Variants in THSD7A observed in about 807,000 individuals in gnomAD.
The protein encoded by THSD7A is thrombospondin type 1 domain containing 7A.
Under a neutral mutation model 231.3 loss-of-function variants are expected in THSD7A, and 96 were observed. That is an observed-to-expected ratio of 0.41 (90% confidence interval 0.35 to 0.49). THSD7A has a LOEUF of 0.49. THSD7A is among the 20% of genes least tolerant of loss of function. THSD7A has a pLI of 0.05. For synonymous variants in THSD7A, 940 were observed against 743.3 expected (o/e 1.26, Z -4.30); for missense variants, 2,290 against 2,070.2 (o/e 1.11, Z -2.06).
chr7:11,452,510 C>A (rs1785176598), intron 11 of THSD7A, among the ~76,000 whole-genome samples: 1 of 151,920 alleles, frequency 6.6e-6, no homozygotes, highest in Admixed American at 6.6e-5. Flanking sequence ...TACCAATGAT[C>A]CCCAGTCTCA....
intron 1 of THSD7A, among the ~76,000 whole-genome samples, chr7:11,676,924 C>T (rs1468254776): frequency 6.6e-6 from 1 of 152,050 alleles, no homozygotes; most frequent in Non-Finnish European, 1.5e-5. Context: ...GAGAACACCA[C>T]AAAGATACTC....
intron 6 of THSD7A, among the ~76,000 whole-genome samples, chr7:11,505,345 ATTTCCT>A (rs1254792793): frequency 2.6e-5 from 4 of 152,120 alleles, no homozygotes; most frequent in East Asian, 3.9e-4. Context: ...TGAGAGTCTA[ATTTCCT>A]TTTCCTTTTC....
At chr7:11,730,686 C>T (rs1294551175) in intron 1 of THSD7A, among the ~76,000 whole-genome samples, 3 of 151,608 alleles carry the variant, frequency 2.0e-5, no homozygotes, top group Admixed American at 1.3e-4. Context: ...AACTCATGTT[C>T]AGTTCTTTTA....
At chr7:11,801,128 C>G (rs1183257913) in intron 1 of THSD7A, among the ~76,000 whole-genome samples, 3 of 151,752 alleles carry the variant, frequency 2.0e-5, no homozygotes. Context: ...AAGGAGACCC[C>G]ATTTCAAAAA....
intron 1 of THSD7A, among the ~76,000 whole-genome samples, chr7:11,738,636 C>T (rs1349853989): frequency 2.0e-5 from 3 of 151,944 alleles, no homozygotes; most frequent in African/African-American, 4.8e-5. Context: ...AATGTCTCCT[C>T]CCCGCAATCC....
At chr7:11,548,972 T>C (rs930806575) in intron 4 of THSD7A, among the ~76,000 whole-genome samples, 40 of 151,804 alleles carry the variant, frequency 2.6e-4, no homozygotes, top group African/African-American at 9.2e-4. Context: ...ACAGACAACC[T>C]ACACAATAGG....
At chr7:11,608,393 A>G (rs934068463) in intron 2 of THSD7A, among the ~76,000 whole-genome samples, 5 of 152,132 alleles carry the variant, frequency 3.3e-5, no homozygotes, top group African/African-American at 1.2e-4. Context: ...ACTGTTACAT[A>G]CTCCTGTGAA....
chr7:11,464,445 G>C (rs1052733406), intron 9 of THSD7A, among the ~76,000 whole-genome samples: 5 of 152,122 alleles, frequency 3.3e-5, no homozygotes, highest in African/African-American at 1.2e-4. Flanking sequence ...TAACTACCTA[G>C]ATGGCACCTG....
chr7:11,820,186 A>G, intron 1 of THSD7A: 1 of 322,078 alleles, frequency 3.1e-6, no homozygotes. Context: ...CGGTAGTACA[A>G]TCTGCATGGC....
chr7:11,677,471 TAAAG>T (rs1320307271), intron 1 of THSD7A, among the ~76,000 whole-genome samples: 3 of 147,810 alleles, frequency 2.0e-5, no homozygotes, highest in Non-Finnish European at 4.5e-5. Context: ...GCAAATTGGG[TAAAG>T]AGTCAAGACC....
intron 7 of THSD7A, among the ~76,000 whole-genome samples, chr7:11,478,596 GAAAAGGAAAAGC>G (rs577823179): frequency 3.1e-3 from 468 of 152,136 alleles, no homozygotes; most frequent in Middle Eastern, 0.01. Context: ...TGAAAGAAAG[GAAAAGGAAAAGC>G]AAAAGGAAAA....
At chr7:11,736,094 T>C (rs1238427724) in intron 1 of THSD7A, among the ~76,000 whole-genome samples, 1 of 151,874 alleles carries the variant, frequency 6.6e-6, no homozygotes, top group Non-Finnish European at 1.5e-5. Flanking sequence ...CATATTAATA[T>C]CAAGGCAAAG....
chr7:11,704,401 G>C (rs538490628), intron 1 of THSD7A, among the ~76,000 whole-genome samples: 51 of 150,954 alleles, frequency 3.4e-4, no homozygotes, highest in Admixed American at 6.0e-4. Flanking sequence ...GAGTCATGTA[G>C]AAGGTATAAT....
rs748951429 is a variant in THSD7A, at chr7:11,429,048, T to G, written c.3142A>C (p.Ser1048Arg). The G allele has an allele frequency of 2.5e-5, 41 of 1,613,232 alleles. No individual in the cohort carries two copies. Among genetic ancestry groups the G allele is most frequent in the Non-Finnish European group, 3.4e-5 (40 of 1,179,582 alleles). The stretch of plus-strand genomic sequence containing the variant: ...TTCACACCACTCCCACAGGACTTGC[T>G]GCAGCGCGACCAGTTGGACCACTCA... Reference protein sequence around the residue: ...LSEWSNWSRCSKSCGSGVKVR... With the variant: ...LSEWSNWSRCRKSCGSGVKVR... Residue 1048 changes from serine (S) to arginine (R), a missense_variant, in exon 14 of 28, where the codon AGC (serine) becomes CGC (arginine). Transcript: ENST00000423059.
rs139501257 is a variant in THSD7A, at chr7:11,537,471, T to C, written c.1822+3948A>G. 2.7e-3 allele frequency among the ~76,000 whole-genome samples: 417 copies of C among 152,200 alleles called. 2 individuals are homozygous for C. Among genetic ancestry groups the C allele is most frequent in the African/African-American group, 9.7e-3 (403 of 41,556 alleles). On this transcript the variant is annotated intron_variant, in intron 6 of 27. Transcript: ENST00000423059. ...TGATAGTGAGTGAGTTCTCATGAGA[T>C]CTGGTTGTTCAAAAATGTGTGGCAT...
At position 11,662,056 on chromosome 7, in the gene THSD7A, A is replaced by G. The variant is rs181971857; in HGVS notation, c.191-25095T>C. 3.3e-5 allele frequency among the ~76,000 whole-genome samples: 5 copies of G among 151,440 alleles called. No homozygotes were observed. The East Asian group carries it at 9.7e-4, about 29-fold the overall frequency. On this transcript the variant is annotated intron_variant, in intron 1 of 27. Coordinates refer to ENST00000423059, the MANE Select transcript of THSD7A (RefSeq NM_015204.3). The stretch of plus-strand genomic sequence containing the variant: ...ATAATCAGAGAAAGAAAGGAGAGAA[A>G]AAGATACATAGAAGAGTTGGAAAAA...
At chr7:11,547,379 C>A (rs1343553812) in intron 4 of THSD7A, among the ~76,000 whole-genome samples, 1 of 152,102 alleles carries the variant, frequency 6.6e-6, no homozygotes, top group Non-Finnish European at 1.5e-5. Context: ...GAAACAAAAC[C>A]CAACTGTACG....
At chr7:11,405,425 A>T (rs1783550270) in intron 22 of THSD7A, among the ~76,000 whole-genome samples, 1 of 152,180 alleles carries the variant, frequency 6.6e-6, no homozygotes, top group Non-Finnish European at 1.5e-5. Flanking sequence ...AATCATAATT[A>T]TAAGCAAATT....
At chr7:11,668,741 C>A (rs2354967) in intron 1 of THSD7A, among the ~76,000 whole-genome samples, 2 of 151,816 alleles carry the variant, frequency 1.3e-5, no homozygotes, top group Non-Finnish European at 2.9e-5. Flanking sequence ...GAATAAGGAA[C>A]GGCGGGAGCA....
Sources: gnomAD v4.1 joint callset for allele counts (sites outside exome capture counted in the v4.1 genomes callset) on GRCh38, gnomAD v4.1.1 for gene constraint, MANE v1.5 for transcripts, NCBI Gene and HGNC (gene_info 2026-07-23, HGNC 2026-07-21) for gene names.